Variants in TENM2 observed in about 807,000 individuals in gnomAD.
TENM2 encodes the protein teneurin transmembrane protein 2.
A neutral mutation model predicts 245.2 loss-of-function variants in TENM2; 52 were observed. That is an observed-to-expected ratio of 0.21 (90% CI 0.17 to 0.27). The LOEUF (loss-of-function observed/expected upper bound fraction) is 0.27. TENM2 is among the 10% of genes least tolerant of loss of function. TENM2 has a pLI of 1.00. For synonymous variants in TENM2, 1,363 were observed against 1,438.9 expected (o/e 0.95, Z 1.19); for missense variants, 3,046 against 3,666.8 (o/e 0.83, Z 4.37).
the TENM2 span, among the ~76,000 whole-genome samples, chr5:167,212,981 T>C: frequency 6.6e-6 from 1 of 152,218 alleles, no homozygotes; most frequent in Non-Finnish European, 1.5e-5. Context: ...AAAGTGTATA[T>C]TATGCGCAAA....
the TENM2 span, among the ~76,000 whole-genome samples, chr5:167,108,745 G>A: frequency 6.6e-6 from 1 of 152,196 alleles, no homozygotes; most frequent in Non-Finnish European, 1.5e-5. Flanking sequence ...AGACGTAGGG[G>A]ACATGGGCAT....
chr5:167,139,269 G>A, the TENM2 span, among the ~76,000 whole-genome samples: 6 of 152,078 alleles, frequency 3.9e-5, no homozygotes, highest in Non-Finnish European at 8.8e-5. Flanking sequence ...AACTACTTAC[G>A]TGTCAACATT....
At chr5:167,437,317 A>G (rs1764620020) in intron 2 of TENM2, among the ~76,000 whole-genome samples, 1 of 152,208 alleles carries the variant, frequency 6.6e-6, no homozygotes, top group South Asian at 2.1e-4. Context: ...TCGGACTTGC[A>G]TAAGGCCCGT....
At chr5:167,231,684 A>G in the TENM2 span, among the ~76,000 whole-genome samples, 23 of 152,212 alleles carry the variant, frequency 1.5e-4, no homozygotes, top group Non-Finnish European at 2.4e-4. Flanking sequence ...TAAAAGTTCA[A>G]CAAATTGCAG....
intron 2 of TENM2, among the ~76,000 whole-genome samples, chr5:167,843,850 T>A (rs1247162923): frequency 6.6e-6 from 1 of 152,216 alleles, no homozygotes; most frequent in Non-Finnish European, 1.5e-5. Context: ...GGAGATGATC[T>A]TCAGAGAAAA....
At chr5:167,578,468 C>T (rs1428465575) in intron 2 of TENM2, among the ~76,000 whole-genome samples, 1 of 152,164 alleles carries the variant, frequency 6.6e-6, no homozygotes, top group Non-Finnish European at 1.5e-5. Flanking sequence ...AGATGTCATG[C>T]CCTCATTAGA....
chr5:167,186,152 C>G, the TENM2 span, among the ~76,000 whole-genome samples: 1 of 152,088 alleles, frequency 6.6e-6, no homozygotes, highest in African/African-American at 2.4e-5. Context: ...AAAGATCAAC[C>G]TTTTTTTCCT....
chr5:167,295,054 A>G (rs1168484314), intron 1 of TENM2, among the ~76,000 whole-genome samples: 2 of 152,306 alleles, frequency 1.3e-5, no homozygotes, highest in East Asian at 1.9e-4. Context: ...CATGGATTCT[A>G]TGACTCCTAT....
At chr5:167,173,097 A>G in the TENM2 span, among the ~76,000 whole-genome samples, 2 of 152,210 alleles carry the variant, frequency 1.3e-5, no homozygotes, top group Non-Finnish European at 2.9e-5. Context: ...CTGTGGTGTT[A>G]GGCTCAGAAT....
In TENM2 at chr5:167,956,895, C is replaced by T. The variant is rs367903260; in HGVS notation, c.947+4073C>T. On this transcript the variant is annotated intron_variant, in intron 4 of 28. Coordinates refer to ENST00000518659, the Ensembl canonical transcript of TENM2. ...TTGCCAGTATTTTATTGAGGATTTT[C>T]GCATCGATGTTCAGCAGGGATATTG... Among the ~76,000 whole-genome samples, 22 of 152,152 alleles carry T rather than the reference C, an allele frequency of 1.4e-4. No individual in the cohort carries two copies. The South Asian group carries it at 2.1e-3, about 14-fold the overall frequency.
intron 3 of TENM2, among the ~76,000 whole-genome samples, chr5:167,910,576 T>G (rs913576835): frequency 6.6e-6 from 1 of 152,182 alleles, no homozygotes; most frequent in Non-Finnish European, 1.5e-5. Flanking sequence ...TCCGAACTGT[T>G]CTTACACAAA....
chr5:168,241,035 A>C (rs1369897861), intron 25 of TENM2: 3 of 152,158 alleles, frequency 2.0e-5, no homozygotes, highest in Non-Finnish European at 4.4e-5. Context: ...TCTGAAAATG[A>C]TGGCTCCAAT....
At chr5:168,262,379 G>A (rs1386140400) in exon 29 of TENM2, 1 of 1,600,290 alleles carries the variant, frequency 6.2e-7, no homozygotes, top group South Asian at 1.1e-5. Flanking sequence ...TGGCGACCTG[G>A]TCACACTAGG....
Position 168,103,038 on chromosome 5 carries a change from C to T in TENM2, c.1813+4911C>T, listed in dbSNP as rs542058623. ...AATGCTATCCCTCCCCGCCTCCCCC[C>T]ACCCCACAACAGGCCCCAGTGTGTG... On this transcript the variant is annotated intron_variant, in intron 9 of 28. Transcript: ENST00000518659. Among the ~76,000 whole-genome samples, 206 of 152,078 alleles carry T rather than the reference C, an allele frequency of 1.4e-3. 1 individual carries two copies. The highest frequency in any genetic ancestry group is 1.9e-3 in the Non-Finnish European group (129 of 67,992).
chr5:167,134,388 C>T, the TENM2 span, among the ~76,000 whole-genome samples: 24 of 152,044 alleles, frequency 1.6e-4, no homozygotes, highest in Non-Finnish European at 3.1e-4. Flanking sequence ...TTCAATAGAA[C>T]ATTGAAAGGA....
chr5:167,791,134 T>G (rs1340572638), intron 2 of TENM2, among the ~76,000 whole-genome samples: 1 of 152,138 alleles, frequency 6.6e-6, no homozygotes, highest in African/African-American at 2.4e-5. Flanking sequence ...CTTGGTAATA[T>G]TCTTAGAATT....
intron 2 of TENM2, among the ~76,000 whole-genome samples, chr5:167,850,530 C>G (rs927448014): frequency 2.0e-5 from 3 of 152,064 alleles, no homozygotes; most frequent in Non-Finnish European, 4.4e-5. Flanking sequence ...TAAATCCTCC[C>G]GAGTTCAAAA....
chr5:167,732,749 A>G (rs761181273), intron 2 of TENM2, among the ~76,000 whole-genome samples: 3 of 152,192 alleles, frequency 2.0e-5, no homozygotes, highest in Non-Finnish European at 4.4e-5. Flanking sequence ...TTATTCCATC[A>G]TTGAATGGGG....
At position 167,643,893 on chromosome 5, in the gene TENM2, A is replaced by G. The variant is rs1050840348; in HGVS notation, c.503-232093A>G. On this transcript the variant is annotated intron_variant, in intron 2 of 28. Coordinates refer to ENST00000518659, the Ensembl canonical transcript of TENM2. ...AATTATCATAGTATTGAGATGAGTC[A>G]TAGGAATCTGAAAATAAGTAGGAGC... Among the ~76,000 whole-genome samples, 12 of 152,354 alleles carry G rather than the reference A, an allele frequency of 7.9e-5. No individual in the cohort carries two copies. The South Asian group carries it at 1.9e-3, about 24-fold the overall frequency.
Sources: allele counts gnomAD v4.1 joint callset (sites outside exome capture counted in the v4.1 genomes callset), GRCh38; gene constraint gnomAD v4.1.1; transcripts MANE v1.5; gene names NCBI Gene and HGNC (gene_info 2026-07-23, HGNC 2026-07-21).